The following SPRED2 variants were observed in gnomAD, a reference collection of about 807,000 sequenced individuals.
SPRED2 encodes the protein sprouty-related, EVH1 domain-containing protein 2.
A neutral mutation model predicts 43.0 loss-of-function variants in SPRED2; 47 were observed. The ratio of observed to expected loss-of-function variants is 1.09; its 90% CI spans 0.87 to 1.40. The LOEUF (loss-of-function observed/expected upper bound fraction) is 1.40. Ranked by LOEUF, SPRED2 falls within the 40% of genes most tolerant of loss-of-function variation. The pLI is 0.00. For missense variants in SPRED2, 561 were observed against 586.4 expected (o/e 0.96, Z 0.45); for synonymous variants, 225 against 225.7 (o/e 1.00, Z 0.03).
intron 1 of SPRED2, among the ~76,000 whole-genome samples, chr2:65,410,249 AAAAC>A (rs1221129942): frequency 9.9e-5 from 15 of 151,996 alleles, no homozygotes; most frequent in African/African-American, 2.4e-4. Flanking sequence ...AACTGAAAAG[AAAAC>A]AAACAAACAA....
intron 1 of SPRED2, 53 bp downstream of exon 1, chr2:65,431,909 C>T (rs1277337633): frequency 1.9e-6 from 3 of 1,605,576 alleles, no homozygotes; most frequent in Middle Eastern, 3.3e-4. Context: ...TCAGCCCCGG[C>T]CCCCACGCTG....
intron 1 of SPRED2, among the ~76,000 whole-genome samples, chr2:65,418,869 A>T (rs930316317): frequency 6.6e-5 from 10 of 151,238 alleles, no homozygotes; most frequent in African/African-American, 1.7e-4. Flanking sequence ...ATTTCTTATC[A>T]TTTTTTTTTA....
chr2:65,372,749 T>G (rs183272969), intron 1 of SPRED2, among the ~76,000 whole-genome samples: 1 of 152,296 alleles, frequency 6.6e-6, no homozygotes, highest in Non-Finnish European at 1.5e-5. Flanking sequence ...CAGCTTAAAG[T>G]TGAATGACCT....
chr2:65,351,612 C>T (rs946049911), intron 1 of SPRED2, among the ~76,000 whole-genome samples: 1 of 152,166 alleles, frequency 6.6e-6, no homozygotes, highest in Non-Finnish European at 1.5e-5. Context: ...ATCACATCCC[C>T]CGCCCCCGGT....
intron 4 of SPRED2, among the ~76,000 whole-genome samples, chr2:65,325,542 T>C (rs1673585117): frequency 6.6e-6 from 1 of 152,160 alleles, no homozygotes; most frequent in South Asian, 2.1e-4. Context: ...ATTTCCAAGG[T>C]CTGTTTGAGC....
At chr2:65,379,093 G>A (rs752669363) in intron 1 of SPRED2, among the ~76,000 whole-genome samples, 16 of 152,098 alleles carry the variant, frequency 1.1e-4, no homozygotes, top group Non-Finnish European at 2.4e-4. Flanking sequence ...TGACACGAGA[G>A]CTATAGTAAA....
intron 1 of SPRED2, among the ~76,000 whole-genome samples, chr2:65,382,970 C>A (rs542159598): frequency 6.6e-6 from 1 of 152,300 alleles, no homozygotes; most frequent in Non-Finnish European, 1.5e-5. Flanking sequence ...GGCATCCCAG[C>A]CCCACCTCGG....
Position 65,311,413 on chromosome 2 carries a change from C to A in SPRED2, c.*2088G>T, listed in dbSNP as rs938611284. 3.6e-5 allele frequency: 35 copies of A among 985,668 alleles called. No individual in the cohort carries two copies. The East Asian group carries it at 2.4e-3, about 67-fold the overall frequency. The allele number at this position is 985,668 out of a possible 1,614,324, so 61.1% of individuals were successfully genotyped here. A position where few individuals can be genotyped will look rare whatever the true frequency, so the allele number is the denominator to read the frequency against. Reference sequence around the variant, plus strand: ...GAAAGAAGAGAGAAACAGGTAACAACTAAATAGAGGTGACAAACAAAAAAC... The same window carrying A: ...GAAAGAAGAGAGAAACAGGTAACAAATAAATAGAGGTGACAAACAAAAAAC... On this transcript the variant is annotated 3_prime_UTR_variant, in exon 6 of 6. Coordinates refer to ENST00000356388, the MANE Select transcript of SPRED2 (RefSeq NM_181784.3).
chr2:65,408,213 C>G (rs1676069905), intron 1 of SPRED2, among the ~76,000 whole-genome samples: 1 of 152,222 alleles, frequency 6.6e-6, no homozygotes. Flanking sequence ...GTAATGATCA[C>G]CCGGCATGTA....
At chr2:65,419,099 TC>T (rs1261896762) in intron 1 of SPRED2, among the ~76,000 whole-genome samples, 1 of 152,148 alleles carries the variant, frequency 6.6e-6, no homozygotes, top group Non-Finnish European at 1.5e-5. Context: ...CTGACTCCCA[TC>T]CCAGAACTTA....
At chr2:65,375,491 G>C (rs573483330) in intron 1 of SPRED2, among the ~76,000 whole-genome samples, 109 of 152,192 alleles carry the variant, frequency 7.2e-4, no homozygotes, top group Non-Finnish European at 1.3e-3. Context: ...GCCAAAGGAG[G>C]AGGGCTTACC....
At position 65,403,228 on chromosome 2, in the gene SPRED2, G is replaced by A. The variant is rs1476279400; in HGVS notation, c.26+28734C>T. Among the ~76,000 whole-genome samples the A allele has an allele frequency of 3.3e-5, 5 of 152,150 alleles. No individual in the cohort carries two copies. In the East Asian group the frequency reaches 7.7e-4, roughly 23 times the overall value. ...GACAACTATTAAATATTTCCAGAAGGGGTTACGGATAGTAGAGTCAACATT... is the reference window on the plus strand; with the variant it reads ...GACAACTATTAAATATTTCCAGAAGAGGTTACGGATAGTAGAGTCAACATT... On this transcript the variant is annotated intron_variant, in intron 1 of 5. Transcript: ENST00000356388.
chr2:65,323,420 G>A (rs1673495261), intron 4 of SPRED2, among the ~76,000 whole-genome samples: 1 of 152,132 alleles, frequency 6.6e-6, no homozygotes, highest in African/African-American at 2.4e-5. Context: ...AGCCTTTGAT[G>A]AGGAAGAACC....
At chr2:65,408,728 G>A (rs1388163823) in intron 1 of SPRED2, among the ~76,000 whole-genome samples, 1 of 151,866 alleles carries the variant, frequency 6.6e-6, no homozygotes, top group Admixed American at 6.6e-5. Flanking sequence ...CAATAGTCAC[G>A]TGCCACCACA....
chr2:65,348,623 T>C (rs980992957), intron 1 of SPRED2, among the ~76,000 whole-genome samples: 1 of 151,708 alleles, frequency 6.6e-6, no homozygotes, highest in African/African-American at 2.4e-5. Context: ...GCCAACATGG[T>C]GAAACCCCGT....
At chr2:65,367,587 T>C (rs2104333330) in intron 1 of SPRED2, among the ~76,000 whole-genome samples, 1 of 152,310 alleles carries the variant, frequency 6.6e-6, no homozygotes, top group East Asian at 1.9e-4. Context: ...TTGAAGTTGT[T>C]TCTGCCTTCC....
At chr2:65,428,986 T>G (rs891586534) in intron 1 of SPRED2, among the ~76,000 whole-genome samples, 2 of 152,214 alleles carry the variant, frequency 1.3e-5, no homozygotes, top group African/African-American at 4.8e-5. Flanking sequence ...TTAACATGCA[T>G]TTTTATGTGG....
chr2:65,362,186 T>C (rs923134680), intron 1 of SPRED2, among the ~76,000 whole-genome samples: 11 of 152,176 alleles, frequency 7.2e-5, no homozygotes, highest in Non-Finnish European at 2.9e-5. Flanking sequence ...ATCACTCTCA[T>C]CCCAAGCCAA....
chr2:65,409,807 G>A (rs146901518), intron 1 of SPRED2, among the ~76,000 whole-genome samples: 2,271 of 150,970 alleles, frequency 0.015, 58 homozygotes, highest in African/African-American at 0.05. Context: ...AGGCCAAGGC[G>A]GGCGGATCAC....
Sources: gnomAD v4.1 joint callset for allele counts (sites outside exome capture counted in the v4.1 genomes callset) on GRCh38, gnomAD v4.1.1 for gene constraint, MANE v1.5 for transcripts, NCBI Gene and HGNC (gene_info 2026-07-23, HGNC 2026-07-21) for gene names.